Variants in MSH3 observed in about 807,000 individuals in gnomAD.
The protein encoded by MSH3 is DNA mismatch repair protein Msh3.
Under a neutral mutation model 123.3 loss-of-function variants are expected in MSH3, and 106 were observed. That is an observed-to-expected ratio of 0.86 (90% CI 0.73 to 1.01). The LOEUF (loss-of-function observed/expected upper bound fraction) is 1.01. Among genes scored for constraint, MSH3 ranks in the 50% least tolerant of loss-of-function variants. The pLI is 0.00. For synonymous variants in MSH3, 515 were observed against 481.4 expected, an observed-to-expected ratio of 1.07 and a Z score of -0.91; for missense variants, 1,459 against 1,347.6, an observed-to-expected ratio of 1.08 and a Z score of -1.29.
chr5:80,857,468 A>T (rs572998558), intron 21 of MSH3, among the ~76,000 whole-genome samples: 91 of 152,322 alleles, frequency 6.0e-4, no homozygotes, highest in Admixed American at 2.6e-3. Flanking sequence ...AATTGGTAAA[A>T]TATCTTCCTT....
intron 11 of MSH3, among the ~76,000 whole-genome samples, chr5:80,743,521 A>G (rs1743654853): frequency 3.9e-5 from 6 of 152,128 alleles, no homozygotes; most frequent in Admixed American, 6.5e-5. Flanking sequence ...GGAAGTAGCT[A>G]CTTACAGAGG....
At chr5:80,662,506 A>G (rs1749458060) in intron 2 of MSH3, among the ~76,000 whole-genome samples, 1 of 152,172 alleles carries the variant, frequency 6.6e-6, no homozygotes, top group Non-Finnish European at 1.5e-5. Context: ...TCAAAGTCAA[A>G]TAAAATATAG....
chr5:80,719,129 C>A (rs950720310), intron 8 of MSH3, among the ~76,000 whole-genome samples: 4 of 151,634 alleles, frequency 2.6e-5, no homozygotes, highest in Non-Finnish European at 5.9e-5. Context: ...CTCAGTGCAA[C>A]CCCCGCCTCC....
chr5:80,699,630 A>G (rs1289359619), intron 8 of MSH3, among the ~76,000 whole-genome samples: 2 of 151,652 alleles, frequency 1.3e-5, no homozygotes, highest in African/African-American at 2.4e-5. Flanking sequence ...ATGGTAATCA[A>G]TGTCTATTTA....
Position 80,826,917 on chromosome 5 carries a change from T to A in MSH3, c.2813+13176T>A, listed in dbSNP as rs145072067. 5.9e-3 allele frequency among the ~76,000 whole-genome samples: 906 copies of A among 152,308 alleles called. 8 individuals are homozygous for A. Among genetic ancestry groups the A allele is most frequent in the East Asian group, 0.027 (138 of 5,186 alleles). Reference sequence around the variant, plus strand: ...TTCCTGAATAAGAAGCAGATTTTTTTAAAAAGTAGAGTTTTGGCAAACACA... The same window carrying A: ...TTCCTGAATAAGAAGCAGATTTTTTAAAAAAGTAGAGTTTTGGCAAACACA... On this transcript the variant is annotated intron_variant, in intron 20 of 23. Coordinates refer to ENST00000265081, the MANE Select transcript of MSH3 (RefSeq NM_002439.5).
At chr5:80,668,763 C>T (rs1427277434) in intron 3 of MSH3, among the ~76,000 whole-genome samples, 1 of 152,110 alleles carries the variant, frequency 6.6e-6, no homozygotes, top group Non-Finnish European at 1.5e-5. Context: ...GCTGCAGCTG[C>T]ACCCAGGAGG....
At chr5:80,668,841 C>T (rs562657336) in intron 3 of MSH3, among the ~76,000 whole-genome samples, 1 of 152,318 alleles carries the variant, frequency 6.6e-6, no homozygotes, top group South Asian at 2.1e-4. Context: ...CACAACTGGG[C>T]AGCCACAGCT....
chr5:80,805,585 C>T (rs1055351313), intron 19 of MSH3, among the ~76,000 whole-genome samples: 12 of 80,456 alleles, frequency 1.5e-4, no homozygotes, highest in African/African-American at 7.0e-4. Flanking sequence ...GATGCCCCCC[C>T]CCCCTACCTT....
At chr5:80,730,650 T>TA (rs892941663) in intron 10 of MSH3, among the ~76,000 whole-genome samples, 11 of 151,904 alleles carry the variant, frequency 7.2e-5, no homozygotes, top group South Asian at 2.1e-4. Context: ...TGGGGCTTTG[T>TA]AAAAAAAGGG....
chr5:80,769,015 CTTACTT>C lies in MSH3; in HGVS notation c.2253+16_2253+21del. The C allele has an allele frequency of 6.2e-7, 1 of 1,609,162 alleles. No homozygotes were observed. The highest frequency in any genetic ancestry group is 8.5e-7 in the Non-Finnish European group (1 of 1,176,370). On this transcript the variant is annotated intron_variant, in intron 15 of 23. Transcript: ENST00000265081. ...TATCAGGACAGGAGGTAATGTCAAGCTTACTTTTATTTTCTATTAGTTTTACTCTAG... is the reference window on the plus strand; with the variant it reads ...TATCAGGACAGGAGGTAATGTCAAGCTTATTTTCTATTAGTTTTACTCTAG...
intron 6 of MSH3, 143 bp downstream of exon 6, chr5:80,673,001 A>G: frequency 1.4e-6 from 1 of 724,446 alleles, no homozygotes; most frequent in Non-Finnish European, 2.5e-6. Flanking sequence ...ACCCTTGATT[A>G]GGTGTGCTAT....
intron 2 of MSH3, among the ~76,000 whole-genome samples, chr5:80,657,777 A>G (rs1368221430): frequency 6.6e-6 from 1 of 152,190 alleles, no homozygotes; most frequent in Non-Finnish European, 1.5e-5. Context: ...GTATGAAATA[A>G]CTACAGGAAT....
At chr5:80,824,484 C>T (rs967234230) in intron 20 of MSH3, among the ~76,000 whole-genome samples, 74 of 152,176 alleles carry the variant, frequency 4.9e-4, no homozygotes, top group African/African-American at 1.8e-3. Context: ...TGGACTGGGG[C>T]ATGGTCTGGA....
chr5:80,848,913 A>G (rs1745777237), intron 20 of MSH3, among the ~76,000 whole-genome samples: 1 of 152,140 alleles, frequency 6.6e-6, no homozygotes, highest in Admixed American at 6.6e-5. Flanking sequence ...CATTAACTTA[A>G]AAGTCCACAG....
intron 17 of MSH3, among the ~76,000 whole-genome samples, chr5:80,780,538 A>G (rs1744391501): frequency 6.6e-6 from 1 of 152,202 alleles, no homozygotes; most frequent in South Asian, 2.1e-4. Flanking sequence ...GCCTGCAGGC[A>G]TCAGTCTAAA....
intron 2 of MSH3, among the ~76,000 whole-genome samples, chr5:80,661,936 G>A (rs1249006751): frequency 1.4e-5 from 2 of 139,260 alleles, no homozygotes; most frequent in African/African-American, 5.4e-5. Context: ...CCTTTTTAGA[G>A]TTAGAAAGGG....
At chr5:80,808,906 C>A (rs245387) in intron 19 of MSH3, among the ~76,000 whole-genome samples, 5 of 138,594 alleles carry the variant, frequency 3.6e-5, no homozygotes, top group Non-Finnish European at 4.6e-5. Flanking sequence ...TCGAAGAGAG[C>A]AATATTTCTA....
intron 19 of MSH3, among the ~76,000 whole-genome samples, chr5:80,812,355 C>A (rs998810406): frequency 6.6e-6 from 1 of 152,098 alleles, no homozygotes; most frequent in Admixed American, 6.6e-5. Flanking sequence ...TTACTAATTA[C>A]CCTCTTTACC....
rs764303681 is a variant in MSH3, at chr5:80,654,692, C to G, written c.-36C>G. On this transcript the variant is annotated 5_prime_UTR_variant, in exon 1 of 24. Coordinates refer to ENST00000265081, the MANE Select transcript of MSH3 (RefSeq NM_002439.5). ...GCGGCCGCGGGCTCGCGCTCCTCGC[C>G]AGGCCCTGCCGCCGGGCTGCCATCC... is the stretch of plus-strand genomic sequence containing the variant. 23 of 1,567,156 alleles carry G rather than the reference C, an allele frequency of 1.5e-5. No individual in the cohort carries two copies. Among genetic ancestry groups the G allele is most frequent in the Non-Finnish European group, 2.0e-5 (23 of 1,157,560 alleles).
Sources: gnomAD v4.1 joint callset for allele counts (sites outside exome capture counted in the v4.1 genomes callset) on GRCh38, gnomAD v4.1.1 for gene constraint, MANE v1.5 for transcripts, NCBI Gene and HGNC (gene_info 2026-07-23, HGNC 2026-07-21) for gene names.